Variants in DAB1 observed in about 807,000 individuals in gnomAD.
DAB1 encodes disabled homolog 1.
Under a neutral mutation model 64.6 loss-of-function variants are expected in DAB1, and 15 were observed. The observed-to-expected ratio is 0.23, with a 90% CI of 0.16 to 0.36. The LOEUF (loss-of-function observed/expected upper bound fraction) is 0.36, where lower values mean the gene tolerates loss of function less well. DAB1 is among the 10% of genes least tolerant of loss of function. The pLI, the probability that DAB1 is intolerant of heterozygous loss-of-function variation, is 1.00. For synonymous variants in DAB1, 235 were observed against 251.9 expected (o/e 0.93, Z 0.64); for missense variants, 596 against 706.7 (o/e 0.84, Z 1.78).
chr1:57,032,734 G>C (rs1471498015), intron 9 of DAB1, among the ~76,000 whole-genome samples: 4 of 152,178 alleles, frequency 2.6e-5, no homozygotes, highest in Non-Finnish European at 5.9e-5. Flanking sequence ...ATTCCAATTT[G>C]ATGCCAAGGT....
intron 7 of DAB1, among the ~76,000 whole-genome samples, chr1:57,584,843 G>T (rs1000614196): frequency 2.0e-5 from 3 of 152,182 alleles, no homozygotes; most frequent in African/African-American, 7.2e-5. Context: ...TCAAGATATG[G>T]CTATGTGGCA....
intron 6 of DAB1, among the ~76,000 whole-genome samples, chr1:57,653,110 A>G (rs965679787): frequency 1.3e-5 from 2 of 152,224 alleles, no homozygotes; most frequent in Non-Finnish European, 2.9e-5. Flanking sequence ...TTATGTACTG[A>G]TACCAGCTTG....
chr1:57,386,509 C>T (rs1681868853), intron 1 of DAB1: 1 of 152,030 alleles, frequency 6.6e-6, no homozygotes, highest in Non-Finnish European at 1.5e-5. Flanking sequence ...GAATAGAACC[C>T]ATTGTAGGTT....
chr1:58,049,689 T>C (rs142463319), intron 5 of DAB1, among the ~76,000 whole-genome samples: 47 of 152,326 alleles, frequency 3.1e-4, no homozygotes, highest in African/African-American at 1.1e-3. Flanking sequence ...TTAGTCTCTT[T>C]AGATTTTAGT....
At chr1:58,326,379 G>C (rs992823013) in intron 4 of DAB1, among the ~76,000 whole-genome samples, 1 of 152,166 alleles carries the variant, frequency 6.6e-6, no homozygotes, top group Non-Finnish European at 1.5e-5. Context: ...GAGTGCAGGA[G>C]AGGAATTATC....
intron 5 of DAB1, among the ~76,000 whole-genome samples, chr1:57,894,439 T>C (rs1202834): frequency 0.18 from 26,830 of 152,062 alleles, 2,740 homozygotes; most frequent in Admixed American, 0.27. Context: ...ACATCTTAAA[T>C]TGATCCCACA....
At chr1:57,070,940 A>T (rs1358585408) in intron 7 of DAB1, 83 bp downstream of exon 7, 1 of 1,215,942 alleles carries the variant, frequency 8.2e-7, no homozygotes, top group Non-Finnish European at 1.2e-6. Flanking sequence ...CAGTCAGTGG[A>T]TTCTTCAGGT....
At chr1:57,271,310 T>A (rs973739351) in intron 2 of DAB1, among the ~76,000 whole-genome samples, 1 of 152,200 alleles carries the variant, frequency 6.6e-6, no homozygotes, top group South Asian at 2.1e-4. Flanking sequence ...CATGACTGTA[T>A]GTGAAAAGCT....
chr1:57,778,549 T>C (rs1280036202), intron 6 of DAB1, among the ~76,000 whole-genome samples: 1 of 152,014 alleles, frequency 6.6e-6, no homozygotes, highest in Non-Finnish European at 1.5e-5. Context: ...TTGTTTGTAG[T>C]ACAAGGGTAA....
At chr1:57,257,346 C>T (rs956009155) in intron 2 of DAB1, among the ~76,000 whole-genome samples, 3 of 152,194 alleles carry the variant, frequency 2.0e-5, no homozygotes, top group African/African-American at 7.2e-5. Context: ...CTGTTAGGAC[C>T]TGTGACATTC....
intron 5 of DAB1, among the ~76,000 whole-genome samples, chr1:57,931,633 C>A (rs1644954328): frequency 6.6e-6 from 1 of 152,110 alleles, no homozygotes; most frequent in African/African-American, 2.4e-5. Context: ...AATTTGTAGG[C>A]CCAGAATTCT....
chr1:58,542,176 A>G (rs1236258546), intron 1 of DAB1, among the ~76,000 whole-genome samples: 1 of 152,252 alleles, frequency 6.6e-6, no homozygotes, highest in African/African-American at 2.4e-5. Flanking sequence ...CCTTTTTGAA[A>G]TACAACCAAT....
At chr1:57,569,248 C>G (rs1306042604) in intron 7 of DAB1, among the ~76,000 whole-genome samples, 3 of 59,596 alleles carry the variant, frequency 5.0e-5, no homozygotes, top group Non-Finnish European at 9.1e-5. Context: ...GACAGCGAGA[C>G]TCCGTCTCAA....
At chr1:57,220,218 G>A (rs1242688642) in intron 2 of DAB1, among the ~76,000 whole-genome samples, 2 of 152,168 alleles carry the variant, frequency 1.3e-5, no homozygotes. Context: ...TCATTTGGCT[G>A]GTGGTCATCT....
chr1:58,438,288 A>T (rs1020534651), intron 3 of DAB1, among the ~76,000 whole-genome samples: 2 of 152,248 alleles, frequency 1.3e-5, no homozygotes, highest in African/African-American at 2.4e-5. Context: ...AGTCGCAGGC[A>T]GGAAAATGTA....
At chr1:58,259,505 C>A (rs1661004028) in intron 4 of DAB1, among the ~76,000 whole-genome samples, 1 of 152,220 alleles carries the variant, frequency 6.6e-6, no homozygotes, top group Admixed American at 6.5e-5. Context: ...TGCATCCATT[C>A]CTTTGGACTT....
intron 5 of DAB1, among the ~76,000 whole-genome samples, chr1:58,006,655 C>T (rs577667625): frequency 6.6e-6 from 1 of 152,162 alleles, no homozygotes; most frequent in South Asian, 2.1e-4. Flanking sequence ...TGGTGTAAGC[C>T]AGAGGAGACC....
intron 5 of DAB1, among the ~76,000 whole-genome samples, chr1:58,064,490 G>C (rs1330088001): frequency 1.3e-5 from 2 of 152,106 alleles, no homozygotes; most frequent in Non-Finnish European, 2.9e-5. Flanking sequence ...GGAGTGCTCA[G>C]AATAAAGGCA....
intron 2 of DAB1, among the ~76,000 whole-genome samples, chr1:58,523,708 G>A (rs1330172179): frequency 1.3e-5 from 2 of 152,114 alleles, no homozygotes; most frequent in African/African-American, 4.8e-5. Flanking sequence ...GACCATCCTG[G>A]CTAACACGGT....
Sources: gnomAD v4.1 joint callset for allele counts (sites outside exome capture counted in the v4.1 genomes callset) on GRCh38, gnomAD v4.1.1 for gene constraint, MANE v1.5 for transcripts, NCBI Gene and HGNC (gene_info 2026-07-23, HGNC 2026-07-21) for gene names.